Variants in FRMPD4 observed in about 807,000 individuals in gnomAD.
The protein encoded by FRMPD4 is FERM and PDZ domain-containing protein 4.
In FRMPD4, 22 loss-of-function variants were observed where a neutral mutation model predicts 94.1. The ratio of observed to expected loss-of-function variants is 0.23; its 90% CI spans 0.17 to 0.33. FRMPD4 has a LOEUF of 0.33. FRMPD4 is among the 10% of genes least tolerant of loss of function. FRMPD4 has a pLI of 1.00. For missense variants in FRMPD4, 1,111 were observed against 1,339.9 expected, an observed-to-expected ratio of 0.83 and a Z score of 2.67; for synonymous variants, 631 against 548.6, an observed-to-expected ratio of 1.15 and a Z score of -2.10.
At chrX:12,503,903 G>A (rs1481427290) in intron 2 of FRMPD4, among the ~76,000 whole-genome samples, 1 of 111,985 alleles carries the variant, frequency 8.9e-6, no homozygotes, top group Non-Finnish European at 1.9e-5. Context: ...CTGTTACTCT[G>A]TGGTGAATTC....
rs185077401 is a variant in FRMPD4, at chrX:12,610,365, C to T, written c.319+484C>T. 3.6e-3 allele frequency among the ~76,000 whole-genome samples: 411 copies of T among 112,733 alleles called. 1 individual carries two copies. The highest frequency in any genetic ancestry group is 0.012 in the African/African-American group (379 of 31,062). On this transcript the variant is annotated intron_variant, in intron 3 of 16. Coordinates refer to ENST00000675598, the MANE Select transcript of FRMPD4 (RefSeq NM_001368397.1). ...GGATCAGGTGATTGACAATGGCCAA[C>T]GGCATATTAGCAAAGATGACATAAG...
At chrX:12,208,459 C>G (rs1028341536) in intron 1 of FRMPD4, among the ~76,000 whole-genome samples, 7 of 100,346 alleles carry the variant, frequency 7.0e-5, no homozygotes, top group Non-Finnish European at 1.4e-4. Flanking sequence ...GAAACCACTG[C>G]ACCCTGAAAA....
At chrX:12,221,283 C>T (rs934064115) in intron 1 of FRMPD4, among the ~76,000 whole-genome samples, 7 of 112,242 alleles carry the variant, frequency 6.2e-5, no homozygotes, top group African/African-American at 2.3e-4. Context: ...TAAACAACAA[C>T]AACCACCACC....
chrX:12,484,097 A>C (rs186791278), intron 1 of FRMPD4, among the ~76,000 whole-genome samples: 7 of 112,152 alleles, frequency 6.2e-5, no homozygotes, highest in Admixed American at 5.7e-4. Flanking sequence ...ATTGTAAAGG[A>C]AAGGATTTGA....
intron 1 of FRMPD4, among the ~76,000 whole-genome samples, chrX:12,281,771 T>G (rs190595776): frequency 1.8e-5 from 2 of 112,205 alleles, no homozygotes; most frequent in African/African-American, 6.5e-5. Context: ...CACTGTGCTC[T>G]GTAGACATCT....
chrX:12,264,077 A>G (rs897559946), intron 1 of FRMPD4, among the ~76,000 whole-genome samples: 13 of 111,628 alleles, frequency 1.2e-4, no homozygotes, highest in African/African-American at 4.2e-4. Flanking sequence ...TTCAAGCCAT[A>G]GTAGAGTGAA....
intron 3 of FRMPD4, among the ~76,000 whole-genome samples, chrX:11,981,140 C>A (rs2054395189): frequency 8.9e-6 from 1 of 112,054 alleles, no homozygotes; most frequent in Non-Finnish European, 1.9e-5. Context: ...CCTAGGAAAA[C>A]AATGTGTATG....
chrX:12,380,128 C>G (rs2056299677), intron 1 of FRMPD4, among the ~76,000 whole-genome samples: 1 of 111,808 alleles, frequency 8.9e-6, no homozygotes, highest in South Asian at 3.8e-4. Context: ...TGTTCTGAGC[C>G]TATAAAAGCG....
intron 2 of FRMPD4, among the ~76,000 whole-genome samples, chrX:12,561,349 A>G (rs1362570385): frequency 4.4e-5 from 5 of 112,416 alleles, no homozygotes; most frequent in Admixed American, 9.4e-5. Flanking sequence ...GCTATAAGTC[A>G]TAATAAATTA....
rs775427241 is a variant in FRMPD4, at chrX:11,886,234, C to T, written c.95+8216C>T. Among the ~76,000 whole-genome samples, 7 of 111,485 alleles carry T rather than the reference C, an allele frequency of 6.3e-5. No homozygotes were observed. In the South Asian group the frequency reaches 2.7e-3, roughly 42 times the overall value. On this transcript the variant is annotated intron_variant, in intron 3 of 18. Coordinates refer to the FRMPD4 transcript ENST00000640291. ...TCTGTACTACCTATTCATAATTTTC[C>T]CGAATATGCACCCCAAGTTTTTGAA...
chrX:12,707,580 G>A lies in FRMPD4; in HGVS notation c.1399G>A (p.Val467Ile), dbSNP rs146561056. The A allele has an allele frequency of 8.4e-5, 101 of 1,209,485 alleles. No homozygotes were observed. The highest frequency in any genetic ancestry group is 1.0e-4 in the Non-Finnish European group (92 of 894,359). Residue 467 changes from valine to isoleucine, a missense_variant, in exon 13 of 17, where the codon GTC becomes ATC. Coordinates refer to ENST00000675598, the MANE Select transcript of FRMPD4 (RefSeq NM_001368397.1). The part of the protein sequence containing the change: ...LVALLADFSH[V>I]NRIEMFSEEE... The stretch of plus-strand genomic sequence containing the variant: ...GGCTCTTTTAGCCGACTTTAGCCAC[G>A]TCAACAGGATCGAAATGTTTTCCGA...
At chrX:12,488,377 T>G (rs1328219095) in intron 1 of FRMPD4, among the ~76,000 whole-genome samples, 1 of 112,105 alleles carries the variant, frequency 8.9e-6, no homozygotes, top group Non-Finnish European at 1.9e-5. Context: ...TATCAGCTTG[T>G]GATACTGTTT....
chrX:12,317,842 A>G (rs1260138932), intron 1 of FRMPD4, among the ~76,000 whole-genome samples: 1 of 112,051 alleles, frequency 8.9e-6, no homozygotes, highest in African/African-American at 3.2e-5. Flanking sequence ...AAAGGGGAAC[A>G]CTAATATGCT....
intron 2 of FRMPD4, among the ~76,000 whole-genome samples, chrX:12,499,871 C>T (rs2057897750): frequency 1.8e-5 from 2 of 112,007 alleles, no homozygotes; most frequent in Non-Finnish European, 3.8e-5. Flanking sequence ...CCTGCTTTCA[C>T]ATCTTCTAGA....
At chrX:11,978,627 G>C (rs1445799280) in intron 3 of FRMPD4, among the ~76,000 whole-genome samples, 3 of 111,839 alleles carry the variant, frequency 2.7e-5, no homozygotes, top group Non-Finnish European at 5.6e-5. Flanking sequence ...GTAATGAAAT[G>C]GTTATTATGA....
intron 2 of FRMPD4, among the ~76,000 whole-genome samples, chrX:12,550,533 A>G (rs2058523638): frequency 9.0e-6 from 1 of 111,715 alleles, no homozygotes; most frequent in African/African-American, 3.2e-5. Flanking sequence ...TGAATATTTC[A>G]GAATAGCATG....
chrX:12,640,229 G>A (rs1232986488), intron 4 of FRMPD4, among the ~76,000 whole-genome samples: 1 of 101,662 alleles, frequency 9.8e-6, no homozygotes, highest in Non-Finnish European at 2.0e-5. Flanking sequence ...AACCCAGGAG[G>A]TGGAAGTTGC....
intron 1 of FRMPD4, among the ~76,000 whole-genome samples, chrX:12,377,891 C>A (rs919588445): frequency 2.7e-5 from 3 of 112,509 alleles, no homozygotes; most frequent in African/African-American, 9.7e-5. Context: ...CAGGAGCCGA[C>A]GAGCAGTGCA....
chrX:12,230,515 C>T (rs187618464), intron 1 of FRMPD4, among the ~76,000 whole-genome samples: 1 of 110,499 alleles, frequency 9.0e-6, no homozygotes, highest in Admixed American at 9.7e-5. Context: ...TCCCATCGCC[C>T]ACCCATTGTA....
Sources: allele counts gnomAD v4.1 joint callset (sites outside exome capture counted in the v4.1 genomes callset), GRCh38; gene constraint gnomAD v4.1.1; transcripts MANE v1.5; gene names NCBI Gene and HGNC (gene_info 2026-07-23, HGNC 2026-07-21).